The following ZFHX3 variants were observed in gnomAD, a reference collection of about 807,000 sequenced individuals.
The protein encoded by ZFHX3 is zinc finger homeobox protein 3.
A neutral mutation model predicts 279.1 loss-of-function variants in ZFHX3; 42 were observed. The observed-to-expected ratio is 0.15, with a 90% confidence interval of 0.12 to 0.19. The LOEUF is 0.19. Ranked by LOEUF, ZFHX3 falls within the 10% of genes least tolerant of loss-of-function variation. The pLI, the probability that ZFHX3 is intolerant of heterozygous loss-of-function variation, is 1.00. For missense variants in ZFHX3, 4,981 were observed against 4,754.0 expected (o/e 1.05, Z -1.40); for synonymous variants, 2,293 against 1,957.8 (o/e 1.17, Z -4.52).
At chr16:73,689,810 G>GTTTTTTTTTTTTTTTTTTTTTTT (rs1567552757) in intron 1 of ZFHX3, among the ~76,000 whole-genome samples, 1 of 149,690 alleles carries the variant, frequency 6.7e-6, no homozygotes, top group Non-Finnish European at 1.5e-5. Flanking sequence ...ACAGTTTTTT[G>GTTTTTTTTTTTTTTTTTTTTTTT]TTTTTTGTTT....
At chr16:73,572,478 C>G (rs1390249767) in intron 2 of ZFHX3, among the ~76,000 whole-genome samples, 4 of 152,186 alleles carry the variant, frequency 2.6e-5, no homozygotes, top group Non-Finnish European at 5.9e-5. Flanking sequence ...AACCTGAGCA[C>G]TTTTTAGCAG....
intron 1 of ZFHX3, among the ~76,000 whole-genome samples, chr16:73,756,981 A>G (rs1216710897): frequency 6.6e-6 from 1 of 152,128 alleles, no homozygotes; most frequent in African/African-American, 2.4e-5. Context: ...GATAAATCCA[A>G]TCGTAAGAGT....
rs1567550727 is a variant in ZFHX3, at chr16:73,682,962, GAAAGAAAGAAAGAAAGAAAGAAAGAAAGA to G, written c.-1607-2751_-1607-2723del. Among the ~76,000 whole-genome samples the G allele has an allele frequency of 3.0e-3, 74 of 24,940 alleles. 9 individuals are homozygous for G. Among genetic ancestry groups the G allele is most frequent in the South Asian group, 0.018 (10 of 558 alleles). 16.4% of individuals were successfully genotyped at this position (24,940 alleles called of 152,430 possible). On this transcript the variant is annotated intron_variant, in intron 1 of 17. Transcript: ENST00000641206. The stretch of plus-strand genomic sequence containing the variant: ...AGAAAGAAAGAAAGAAAGAAAGAAA[GAAAGAAAGAAAGAAAGAAAGAAAGAAAGA>G]AAAGAAAGAAAGAAAGAAAGAGAAA...
At chr16:73,816,892 G>C (rs1456221901) in intron 1 of ZFHX3, among the ~76,000 whole-genome samples, 1 of 152,214 alleles carries the variant, frequency 6.6e-6, no homozygotes, top group Admixed American at 6.5e-5. Flanking sequence ...TTTCTGAGGA[G>C]AGAGTTGACA....
intron 1 of ZFHX3, among the ~76,000 whole-genome samples, chr16:73,762,748 T>C (rs910903908): frequency 2.6e-5 from 4 of 152,172 alleles, no homozygotes; most frequent in African/African-American, 7.2e-5. Context: ...ATACCACATG[T>C]TCTCACTTAT....
intron 1 of ZFHX3, among the ~76,000 whole-genome samples, chr16:73,737,576 T>C (rs930301735): frequency 6.6e-6 from 1 of 152,048 alleles, no homozygotes; most frequent in African/African-American, 2.4e-5. Context: ...CCCTAGAAGA[T>C]GAATTCCATA....
At chr16:72,968,709 C>T (rs1237557593) in intron 1 of ZFHX3, among the ~76,000 whole-genome samples, 1 of 152,140 alleles carries the variant, frequency 6.6e-6, no homozygotes, top group African/African-American at 2.4e-5. Flanking sequence ...GTGATCCGCC[C>T]ACCTCAGCCT....
At chr16:73,369,371 A>C (rs1464237330) in intron 3 of ZFHX3, among the ~76,000 whole-genome samples, 1 of 152,204 alleles carries the variant, frequency 6.6e-6, no homozygotes, top group African/African-American at 2.4e-5. Context: ...AGCGCACTGA[A>C]CCGAGCACCG....
intron 2 of ZFHX3, among the ~76,000 whole-genome samples, chr16:73,464,119 A>G (rs560739193): frequency 6.6e-6 from 1 of 152,122 alleles, no homozygotes; most frequent in African/African-American, 2.4e-5. Flanking sequence ...AAGCCATCAA[A>G]TATTACTGGG....
intron 1 of ZFHX3, among the ~76,000 whole-genome samples, chr16:73,707,132 T>A (rs999247232): frequency 9.9e-5 from 15 of 152,196 alleles, no homozygotes; most frequent in African/African-American, 3.6e-4. Context: ...TTATTTGAAG[T>A]CATCAGCCAA....
In ZFHX3 at chr16:73,835,530, T is replaced by C. The variant is rs191881164; in HGVS notation, c.-1608+56121A>G. Among the ~76,000 whole-genome samples the C allele has an allele frequency of 2.4e-3, 347 of 146,192 alleles. 3 individuals are homozygous for C. The highest frequency in any genetic ancestry group is 8.0e-3 in the African/African-American group (317 of 39,778). ...TTGTCATCAAGGCTGGAGTGCAATG[T>C]TGCAATCTCGACTCACTGCAACCTC... On this transcript the variant is annotated intron_variant, in intron 1 of 17. Coordinates refer to the ZFHX3 transcript ENST00000641206.
At chr16:73,883,401 G>A (rs747783469) in intron 1 of ZFHX3, among the ~76,000 whole-genome samples, 3 of 41,188 alleles carry the variant, frequency 7.3e-5, no homozygotes, top group Non-Finnish European at 1.6e-4. Context: ...CCATATATAT[G>A]TGTGTGTGTG....
chr16:73,576,046 G>A (rs752886629), intron 2 of ZFHX3, among the ~76,000 whole-genome samples: 1 of 151,924 alleles, frequency 6.6e-6, no homozygotes, highest in Non-Finnish European at 1.5e-5. Context: ...TATTTTTCTT[G>A]ACCATTTCCC....
chr16:73,631,630 C>A (rs1350453540), intron 2 of ZFHX3, among the ~76,000 whole-genome samples: 1 of 152,064 alleles, frequency 6.6e-6, no homozygotes, highest in Non-Finnish European at 1.5e-5. Context: ...TCTGGCTGGG[C>A]GCAGTGGCTC....
At chr16:73,460,723 G>C (rs929352377) in intron 2 of ZFHX3, among the ~76,000 whole-genome samples, 3 of 152,198 alleles carry the variant, frequency 2.0e-5, no homozygotes, top group Non-Finnish European at 4.4e-5. Flanking sequence ...ATTGGATCAT[G>C]AGGGCAGTTT....
chr16:73,332,160 A>T (rs1455030093), intron 3 of ZFHX3, among the ~76,000 whole-genome samples: 1 of 152,230 alleles, frequency 6.6e-6, no homozygotes, highest in African/African-American at 2.4e-5. Context: ...GTATCCTGAA[A>T]AAGTTGACTA....
At chr16:73,509,775 A>C (rs1164949439) in intron 2 of ZFHX3, among the ~76,000 whole-genome samples, 4 of 145,124 alleles carry the variant, frequency 2.8e-5, no homozygotes, top group Admixed American at 2.1e-4. Context: ...GGCTCACTGC[A>C]ACCTCCACCC....
At chr16:73,864,505 G>A (rs1314545897) in intron 1 of ZFHX3, among the ~76,000 whole-genome samples, 1 of 152,182 alleles carries the variant, frequency 6.6e-6, no homozygotes, top group Non-Finnish European at 1.5e-5. Flanking sequence ...GATCACTTGA[G>A]GCCAGGAGCT....
chr16:73,683,423 A>C (rs2053047153), intron 1 of ZFHX3, among the ~76,000 whole-genome samples: 1 of 152,210 alleles, frequency 6.6e-6, no homozygotes, highest in African/African-American at 2.4e-5. Flanking sequence ...CTTAATAAAC[A>C]TTGTATTTTA....
Sources: allele counts gnomAD v4.1 joint callset (sites outside exome capture counted in the v4.1 genomes callset), GRCh38; gene constraint gnomAD v4.1.1; transcripts MANE v1.5; gene names NCBI Gene and HGNC (gene_info 2026-07-23, HGNC 2026-07-21).